The following PSMB7 variants were observed in gnomAD, a reference collection of about 807,000 sequenced individuals.
PSMB7 encodes proteasome subunit beta type-7.
In PSMB7, 5 loss-of-function variants were observed where a neutral mutation model predicts 28.1. That is an observed-to-expected ratio of 0.18 (90% confidence interval 0.09 to 0.37). PSMB7 has a LOEUF of 0.37. PSMB7 is among the 10% of genes least tolerant of loss of function. PSMB7 has a pLI of 1.00. For missense variants in PSMB7, 275 were observed against 346.2 expected (o/e 0.79, Z 1.63); for synonymous variants, 122 against 123.7 (o/e 0.99, Z 0.09).
At chr9:124,365,862 C>G (rs1026348066) in intron 6 of PSMB7, among the ~76,000 whole-genome samples, 2 of 152,162 alleles carry the variant, frequency 1.3e-5, no homozygotes, top group African/African-American at 4.8e-5. Context: ...TTGCAGTGAG[C>G]TGTGATCGTG....
At chr9:124,358,603 CTAGA>C (rs914698191) in intron 6 of PSMB7, among the ~76,000 whole-genome samples, 8 of 152,236 alleles carry the variant, frequency 5.3e-5, no homozygotes, top group African/African-American at 1.9e-4. Context: ...CAGCTGCTAT[CTAGA>C]TAGACAGCAA....
At chr9:124,403,146 T>C (rs944013150) in intron 5 of PSMB7, among the ~76,000 whole-genome samples, 162 of 152,218 alleles carry the variant, frequency 1.1e-3, no homozygotes, top group African/African-American at 3.8e-3. Context: ...TTTCTGGACC[T>C]ATGCAATTTG....
chr9:124,408,863 G>C (rs1830995154), intron 4 of PSMB7, among the ~76,000 whole-genome samples: 1 of 151,984 alleles, frequency 6.6e-6, no homozygotes, highest in South Asian at 2.1e-4. Context: ...TAGTGTCTAC[G>C]TTTTTTACAA....
rs1830486315 is a variant in PSMB7 at position 124,364,051 on chromosome 9, C to CA, written c.571-7137dup. ...AAATGACCCCAACACAGCAATTTCA[C>CA]AAACAGGACGGTTAGCACGTCCTAG... On this transcript the variant is annotated intron_variant, in intron 6 of 7. Coordinates refer to ENST00000259457, the MANE Select transcript of PSMB7 (RefSeq NM_002799.4). 3.9e-5 allele frequency among the ~76,000 whole-genome samples: 6 copies of CA among 152,318 alleles called. No individual in the cohort carries two copies. The South Asian group carries it at 1.2e-3, about 32-fold the overall frequency.
intron 4 of PSMB7, among the ~76,000 whole-genome samples, chr9:124,407,752 G>A (rs935678027): frequency 6.6e-6 from 1 of 152,166 alleles, no homozygotes; most frequent in African/African-American, 2.4e-5. Flanking sequence ...GCACAAGGAT[G>A]TTTACAACAG....
At chr9:124,384,761 A>C (rs1161254410) in intron 5 of PSMB7, 105 bp from the exon 6 acceptor site, 6 of 941,574 alleles carry the variant, frequency 6.4e-6, no homozygotes, top group Non-Finnish European at 1.0e-5. Context: ...CCAGTGTCTC[A>C]TTCAAGTACA....
intron 6 of PSMB7, among the ~76,000 whole-genome samples, chr9:124,371,459 G>C (rs928399406): frequency 6.6e-6 from 1 of 152,136 alleles, no homozygotes; most frequent in African/African-American, 2.4e-5. Context: ...CTCTCCCCCT[G>C]AAAGCCACTG....
At chr9:124,412,845 C>T (rs1831043348) in intron 3 of PSMB7, among the ~76,000 whole-genome samples, 1 of 152,002 alleles carries the variant, frequency 6.6e-6, no homozygotes, top group African/African-American at 2.4e-5. Flanking sequence ...CTATCAGATA[C>T]CAGTAATTAC....
intron 5 of PSMB7, among the ~76,000 whole-genome samples, chr9:124,385,998 G>T (rs946039367): frequency 5.3e-5 from 8 of 152,124 alleles, no homozygotes; most frequent in African/African-American, 1.9e-4. Flanking sequence ...TGCGGTTGAG[G>T]ATCATTACCT....
chr9:124,373,954 T>A (rs1830585677), intron 6 of PSMB7, among the ~76,000 whole-genome samples: 1 of 152,192 alleles, frequency 6.6e-6, no homozygotes, highest in African/African-American at 2.4e-5. Context: ...ACACCAATGC[T>A]CACAGCAGCA....
At chr9:124,403,307 C>A (rs981909861) in intron 5 of PSMB7, among the ~76,000 whole-genome samples, 1 of 151,880 alleles carries the variant, frequency 6.6e-6, no homozygotes, top group African/African-American at 2.4e-5. Flanking sequence ...GGCAGATCAC[C>A]TGAGCCCAGG....
intron 6 of PSMB7, among the ~76,000 whole-genome samples, chr9:124,365,615 C>A (rs1830500181): frequency 6.6e-6 from 1 of 152,138 alleles, no homozygotes; most frequent in Non-Finnish European, 1.5e-5. Flanking sequence ...AACAGTGGTC[C>A]CATAAAATTA....
intron 1 of PSMB7, 58 bp from the exon 2 acceptor site, chr9:124,414,993 G>T (rs373975156): frequency 4.1e-6 from 5 of 1,208,714 alleles, no homozygotes; most frequent in East Asian, 2.3e-5. Context: ...CACAGCACTG[G>T]CATGAAAAGT....
At chr9:124,408,949 T>C (rs925366784) in intron 4 of PSMB7, among the ~76,000 whole-genome samples, 3 of 152,224 alleles carry the variant, frequency 2.0e-5, no homozygotes, top group Admixed American at 6.5e-5. Flanking sequence ...CAAGATGCAC[T>C]GTTAGGTGAG....
intron 7 of PSMB7, 109 bp from the exon 8 acceptor site, chr9:124,353,818 G>A (rs1370456875): frequency 6.2e-6 from 5 of 806,108 alleles, no homozygotes; most frequent in Non-Finnish European, 1.0e-5. Flanking sequence ...GGCTGGACTG[G>A]AATCTTGGCT....
chr9:124,393,873 T>C, intron 5 of PSMB7, among the ~76,000 whole-genome samples: 1 of 152,266 alleles, frequency 6.6e-6, no homozygotes, highest in East Asian at 1.9e-4. Context: ...CACCTACCCC[T>C]GTTTAGAGGA....
At chr9:124,407,279 T>G (rs146152558) in intron 4 of PSMB7, among the ~76,000 whole-genome samples, 2 of 152,236 alleles carry the variant, frequency 1.3e-5, no homozygotes, top group Admixed American at 1.3e-4. Context: ...AGTGGTCCAA[T>G]ACTTGCCCTG....
intron 5 of PSMB7, among the ~76,000 whole-genome samples, chr9:124,394,264 G>T (rs2131169339): frequency 6.6e-6 from 1 of 152,314 alleles, no homozygotes; most frequent in Middle Eastern, 3.4e-3. Flanking sequence ...GAACTACACA[G>T]TGAAAAGCCT....
At chr9:124,400,053 C>T (rs1241365283) in intron 5 of PSMB7, among the ~76,000 whole-genome samples, 1 of 152,178 alleles carries the variant, frequency 6.6e-6, no homozygotes, top group South Asian at 2.1e-4. Flanking sequence ...CATCCCTCTT[C>T]CACCCTCCCC....
Sources: gnomAD v4.1 joint callset for allele counts (sites outside exome capture counted in the v4.1 genomes callset) on GRCh38, gnomAD v4.1.1 for gene constraint, MANE v1.5 for transcripts, NCBI Gene and HGNC (gene_info 2026-07-23, HGNC 2026-07-21) for gene names.